GUCY1A2: variants seen among roughly 807,000 people sequenced by gnomAD.
GUCY1A2 encodes the protein guanylate cyclase 1 soluble subunit alpha 2, also known as guanylate cyclase soluble subunit alpha-2.
A neutral mutation model predicts 63.5 loss-of-function variants in GUCY1A2; 27 were observed. The ratio of observed to expected loss-of-function variants is 0.43; its 90% CI spans 0.31 to 0.59. GUCY1A2 has a LOEUF of 0.59. Ranked by LOEUF, GUCY1A2 falls within the 20% of genes least tolerant of loss-of-function variation. The pLI is 0.11. For missense variants in GUCY1A2, 768 were observed against 913.3 expected, an observed-to-expected ratio of 0.84 and a Z score of 2.05; for synonymous variants, 364 against 343.5, an observed-to-expected ratio of 1.06 and a Z score of -0.66.
intron 4 of GUCY1A2, among the ~76,000 whole-genome samples, chr11:106,823,047 G>A (rs1165230046): frequency 2.0e-5 from 3 of 152,004 alleles, no homozygotes; most frequent in Non-Finnish European, 4.4e-5. Context: ...AGAAGAAAAT[G>A]ATATTTGTTT....
intron 4 of GUCY1A2, among the ~76,000 whole-genome samples, chr11:106,835,469 G>C (rs1165336817): frequency 1.3e-5 from 2 of 151,696 alleles, no homozygotes; most frequent in South Asian, 4.2e-4. Flanking sequence ...ACCTGAGGGA[G>C]AGAATAAAGA....
intron 4 of GUCY1A2, among the ~76,000 whole-genome samples, chr11:106,927,241 C>T (rs535392357): frequency 5.3e-5 from 8 of 151,282 alleles, no homozygotes; most frequent in African/African-American, 7.3e-5. Flanking sequence ...GGCGTGGTGG[C>T]GGGCGCCTGT....
intron 3 of GUCY1A2, among the ~76,000 whole-genome samples, chr11:106,945,043 AC>A (rs780460719): frequency 4.5e-4 from 68 of 152,162 alleles, no homozygotes; most frequent in Admixed American, 1.8e-3. Flanking sequence ...TTTCCCCTGA[AC>A]CATGGAAAAT....
intron 5 of GUCY1A2, among the ~76,000 whole-genome samples, chr11:106,796,895 G>A (rs1864772753): frequency 6.6e-6 from 1 of 152,074 alleles, no homozygotes; most frequent in South Asian, 2.1e-4. Flanking sequence ...CATTCTTCCT[G>A]TCACTTTCAG....
intron 1 of GUCY1A2, among the ~76,000 whole-genome samples, chr11:107,007,860 G>A (rs1389717459): frequency 1.3e-5 from 2 of 150,690 alleles, no homozygotes; most frequent in African/African-American, 4.8e-5. Flanking sequence ...GAACAACACA[G>A]CATGATAGAT....
At chr11:106,927,696 C>A (rs937631373) in intron 4 of GUCY1A2, among the ~76,000 whole-genome samples, 1 of 151,436 alleles carries the variant, frequency 6.6e-6, no homozygotes, top group East Asian at 2.0e-4. Context: ...TCCTGAGTAG[C>A]CGGGACTACA....
At chr11:106,812,376 G>A (rs17106108) in intron 4 of GUCY1A2, among the ~76,000 whole-genome samples, 12,521 of 150,060 alleles carry the variant, frequency 0.083, 607 homozygotes, top group African/African-American at 0.14. Flanking sequence ...CCCTTGCTTC[G>A]TGGAGTTACA....
At chr11:106,778,320 T>G (rs1286247192) in intron 5 of GUCY1A2, among the ~76,000 whole-genome samples, 5 of 152,362 alleles carry the variant, frequency 3.3e-5, no homozygotes, top group Middle Eastern at 3.4e-3. Context: ...TTCTTTATTC[T>G]GTTTCCACAG....
At chr11:107,012,245 C>A (rs3133357) in intron 1 of GUCY1A2, among the ~76,000 whole-genome samples, 51,222 of 143,938 alleles carry the variant, frequency 0.36, 9,671 homozygotes, top group Admixed American at 0.5. Flanking sequence ...CGACAAAATA[C>A]AGTGCTTCTT....
intron 6 of GUCY1A2, among the ~76,000 whole-genome samples, chr11:106,747,935 C>T (rs573725798): frequency 1.3e-5 from 2 of 152,328 alleles, no homozygotes; most frequent in East Asian, 1.9e-4. Flanking sequence ...ACAAGTCTTA[C>T]AACAGCAGTG....
intron 4 of GUCY1A2, among the ~76,000 whole-genome samples, chr11:106,854,047 C>T (rs1301128100): frequency 1.3e-5 from 2 of 152,182 alleles, no homozygotes; most frequent in African/African-American, 4.8e-5. Flanking sequence ...ACTAGGCATG[C>T]CAGTCCTTGG....
In GUCY1A2 at chr11:106,678,922, A is replaced by T. The variant is rs1295017583; in HGVS notation, c.*8627T>A. The T allele has an allele frequency of 5.3e-6, 1 of 189,054 alleles. No individual in the cohort carries two copies. Among genetic ancestry groups the T allele is most frequent in the Non-Finnish European group, 1.1e-5 (1 of 89,820 alleles). 11.7% of individuals were successfully genotyped at this position (189,054 alleles called of 1,614,324 possible). On this transcript the variant is annotated 3_prime_UTR_variant, in exon 8 of 8. Coordinates refer to ENST00000526355, the MANE Select transcript of GUCY1A2 (RefSeq NM_000855.3). The stretch of plus-strand genomic sequence containing the variant: ...AACAAATGGAAAATATAAAGTAAAA[A>T]TCACTTAAATGTAATTCACAATTAA...
chr11:106,865,437 T>C (rs1265694949), intron 4 of GUCY1A2, among the ~76,000 whole-genome samples: 2 of 152,002 alleles, frequency 1.3e-5, no homozygotes, highest in African/African-American at 2.4e-5. Context: ...TTTTGAAATG[T>C]GGCACATATA....
At chr11:107,002,893 T>G (rs1429632754) in intron 1 of GUCY1A2, among the ~76,000 whole-genome samples, 2 of 152,166 alleles carry the variant, frequency 1.3e-5, no homozygotes, top group Non-Finnish European at 2.9e-5. Context: ...AACCAAAATA[T>G]GACAGTAGCC....
intron 4 of GUCY1A2, among the ~76,000 whole-genome samples, chr11:106,868,857 T>C (rs1009230226): frequency 2.0e-5 from 3 of 152,126 alleles, no homozygotes; most frequent in Non-Finnish European, 4.4e-5. Context: ...CTTCAAACCA[T>C]ACTACAAGGC....
rs1862521815 is a variant in GUCY1A2 at position 106,686,092 on chromosome 11, A to G, written c.*1457T>C. On this transcript the variant is annotated 3_prime_UTR_variant, in exon 8 of 8. Coordinates refer to ENST00000526355, the MANE Select transcript of GUCY1A2 (RefSeq NM_000855.3). The stretch of plus-strand genomic sequence containing the variant: ...CAATGAGTAAGAAAATGACCTCTCC[A>G]AGGCTTAAAGGAAACAAATGCTTCC... 4.6e-6 allele frequency: 1 copy of G among 215,184 alleles called. No homozygotes were observed. The highest frequency in any genetic ancestry group is 1.9e-4 in the South Asian group (1 of 5,380). The allele number at this position is 215,184 out of a possible 1,614,324, so 13.3% of individuals were successfully genotyped here.
At position 106,848,951 on chromosome 11, in the gene GUCY1A2, A is replaced by T. The variant is rs1859314884; in HGVS notation, c.1207-38473T>A. Among the ~76,000 whole-genome samples, 3 of 151,674 alleles carry T rather than the reference A, an allele frequency of 2.0e-5. No individual in the cohort carries two copies. In the South Asian group the frequency reaches 6.2e-4, roughly 31 times the overall value. On this transcript the variant is annotated intron_variant, in intron 4 of 7. Transcript: ENST00000526355. ...CGTTTTGAATTTTACTTAGAATTCC[A>T]GTAAGTCAAAGTCTTCTAAGCCAAT...
chr11:106,723,486 A>G (rs1157103067), intron 6 of GUCY1A2, among the ~76,000 whole-genome samples: 1 of 152,212 alleles, frequency 6.6e-6, no homozygotes, highest in East Asian at 1.9e-4. Context: ...TAATATTCCA[A>G]GCACCCACCA....
At chr11:106,826,574 T>C in intron 4 of GUCY1A2, 35 of 1,601,146 alleles carry the variant, frequency 2.2e-5, no homozygotes, top group Non-Finnish European at 3.0e-5. Flanking sequence ...TGTCCTTTGG[T>C]ACATCTCAGC....
Sources: gnomAD v4.1 joint callset for allele counts (sites outside exome capture counted in the v4.1 genomes callset) on GRCh38, gnomAD v4.1.1 for gene constraint, MANE v1.5 for transcripts, NCBI Gene and HGNC (gene_info 2026-07-23, HGNC 2026-07-21) for gene names.